The following VEPH1 variants were observed in gnomAD, a reference collection of about 807,000 sequenced individuals.
VEPH1 encodes the protein ventricular zone expressed PH domain containing 1.
A neutral mutation model predicts 85.2 loss-of-function variants in VEPH1; 80 were observed. That is an observed-to-expected ratio of 0.94 (90% CI 0.78 to 1.13). VEPH1 has a LOEUF of 1.13. Ranked by LOEUF, VEPH1 falls within the 50% of genes most tolerant of loss-of-function variation. The probability of loss-of-function intolerance (pLI) is 0.00; values close to 1 mark genes in which losing one functional copy is unlikely to be tolerated. For missense variants in VEPH1, 955 were observed against 980.5 expected (o/e 0.97, Z 0.35); for synonymous variants, 297 against 348.0 (o/e 0.85, Z 1.63).
chr3:157,292,685 T>TA (rs1215577339), intron 11 of VEPH1, among the ~76,000 whole-genome samples: 1 of 145,328 alleles, frequency 6.9e-6, no homozygotes, highest in Admixed American at 7.0e-5. Context: ...GAGTGAGACC[T>TA]AAAAAAAGAA....
intron 6 of VEPH1, among the ~76,000 whole-genome samples, chr3:157,396,468 G>A (rs571732953): frequency 2.9e-4 from 44 of 152,272 alleles, no homozygotes; most frequent in Middle Eastern, 3.4e-3. Flanking sequence ...TAATGAGATT[G>A]CTGGGTCAAA....
intron 11 of VEPH1, among the ~76,000 whole-genome samples, chr3:157,300,336 C>CT (rs1231890253): frequency 3.3e-5 from 5 of 152,028 alleles, no homozygotes; most frequent in Admixed American, 6.6e-5. Flanking sequence ...AAGGTTTTTC[C>CT]TTTTTTTAAA....
chr3:157,399,921 C>A (rs1730683516), intron 6 of VEPH1, among the ~76,000 whole-genome samples: 1 of 152,078 alleles, frequency 6.6e-6, no homozygotes, highest in Non-Finnish European at 1.5e-5. Flanking sequence ...TTACAAAAGT[C>A]ACTTTCTTCA....
At chr3:157,267,524 C>T (rs1162842420) in intron 12 of VEPH1, among the ~76,000 whole-genome samples, 5 of 152,000 alleles carry the variant, frequency 3.3e-5, no homozygotes, top group Admixed American at 6.5e-5. Context: ...GCAGCTCATG[C>T]CTGTAATCCC....
At chr3:157,295,344 A>T (rs1717988963) in intron 11 of VEPH1, among the ~76,000 whole-genome samples, 1 of 152,152 alleles carries the variant, frequency 6.6e-6, no homozygotes, top group Admixed American at 6.5e-5. Context: ...AGGTAGAAGG[A>T]TCACTTAAAC....
At chr3:157,274,183 G>C (rs1232620406) in intron 12 of VEPH1, among the ~76,000 whole-genome samples, 1 of 152,196 alleles carries the variant, frequency 6.6e-6, no homozygotes, top group African/African-American at 2.4e-5. Context: ...GCACATAAAA[G>C]TGCCACAACA....
intron 9 of VEPH1, among the ~76,000 whole-genome samples, chr3:157,356,083 G>C (rs528718046): frequency 5.9e-5 from 9 of 151,908 alleles, no homozygotes; most frequent in Non-Finnish European, 1.0e-4. Context: ...ATTTTTTGTA[G>C]AGAAGCAGTT....
intron 10 of VEPH1, among the ~76,000 whole-genome samples, chr3:157,315,549 A>G (rs748488683): frequency 6.6e-6 from 1 of 152,200 alleles, no homozygotes; most frequent in Non-Finnish European, 1.5e-5. Context: ...GCACAAGAGT[A>G]GTCAGGTTGT....
intron 2 of VEPH1, among the ~76,000 whole-genome samples, chr3:157,488,423 G>T (rs958437122): frequency 1.3e-5 from 2 of 151,654 alleles, no homozygotes; most frequent in Admixed American, 1.3e-4. Context: ...CCAATCAGTG[G>T]CATTTGACAT....
chr3:157,476,055 A>G (rs1047587127), intron 2 of VEPH1, among the ~76,000 whole-genome samples: 3 of 152,234 alleles, frequency 2.0e-5, no homozygotes, highest in African/African-American at 7.2e-5. Context: ...TGACTCAGCC[A>G]AATGACATCA....
chr3:157,404,139 T>A (rs1730979638), intron 6 of VEPH1, among the ~76,000 whole-genome samples: 1 of 152,268 alleles, frequency 6.6e-6, no homozygotes, highest in South Asian at 2.1e-4. Flanking sequence ...TGCCATCTAC[T>A]AGTACAAGAC....
intron 9 of VEPH1, among the ~76,000 whole-genome samples, chr3:157,329,397 C>T (rs745735322): frequency 6.6e-6 from 1 of 152,162 alleles, no homozygotes; most frequent in Non-Finnish European, 1.5e-5. Flanking sequence ...TCAGGTTAGC[C>T]ATGGAAACCA....
chr3:157,461,839 C>T (rs925477193), intron 3 of VEPH1, among the ~76,000 whole-genome samples: 4 of 151,920 alleles, frequency 2.6e-5, no homozygotes, highest in Non-Finnish European at 5.9e-5. Context: ...CCCAGGAGAA[C>T]ATCTCGATGG....
At chr3:157,380,759 G>A (rs1253161139) in intron 7 of VEPH1, among the ~76,000 whole-genome samples, 2 of 152,076 alleles carry the variant, frequency 1.3e-5, no homozygotes, top group Admixed American at 6.5e-5. Flanking sequence ...TCTCATACTA[G>A]TCAGTGAGCT....
intron 4 of VEPH1, among the ~76,000 whole-genome samples, chr3:157,435,108 A>T (rs924121663): frequency 4.0e-5 from 6 of 151,498 alleles, no homozygotes; most frequent in Non-Finnish European, 7.4e-5. Flanking sequence ...TTGGTTCTTT[A>T]AAAAAAATCA....
chr3:157,452,357 C>A (rs1735040030), intron 4 of VEPH1, among the ~76,000 whole-genome samples: 1 of 152,058 alleles, frequency 6.6e-6, no homozygotes. Context: ...AAAGTCGGAG[C>A]TAGTTTTTGA....
intron 5 of VEPH1, among the ~76,000 whole-genome samples, chr3:157,422,376 A>G (rs1405983993): frequency 6.6e-6 from 1 of 152,210 alleles, no homozygotes; most frequent in Non-Finnish European, 1.5e-5. Context: ...TTCTCTATTT[A>G]TAAAACAAAA....
At chr3:157,305,566 A>C (rs1719423480) in intron 11 of VEPH1, among the ~76,000 whole-genome samples, 1 of 152,096 alleles carries the variant, frequency 6.6e-6, no homozygotes. Flanking sequence ...TGTTTATCTT[A>C]AGTTTTGTAC....
chr3:157,335,835 A>G (rs978296634), intron 9 of VEPH1, among the ~76,000 whole-genome samples: 2 of 152,126 alleles, frequency 1.3e-5, no homozygotes, highest in African/African-American at 4.8e-5. Flanking sequence ...TGAAGTTTGC[A>G]TCTGTTACAA....
Sources: allele counts gnomAD v4.1 joint callset (sites outside exome capture counted in the v4.1 genomes callset), GRCh38; gene constraint gnomAD v4.1.1; transcripts MANE v1.5; gene names NCBI Gene and HGNC (gene_info 2026-07-23, HGNC 2026-07-21).